The following EML6 variants were observed in gnomAD, a reference collection of about 807,000 sequenced individuals.
EML6 encodes EMAP like 6, also known as echinoderm microtubule-associated protein-like 6.
Under a neutral mutation model 240.1 loss-of-function variants are expected in EML6, and 154 were observed. The observed-to-expected ratio is 0.64, with a 90% CI of 0.56 to 0.73. The LOEUF (loss-of-function observed/expected upper bound fraction) is 0.73. Among genes scored for constraint, EML6 ranks in the 30% least tolerant of loss-of-function variants. The pLI, the probability that EML6 is intolerant of heterozygous loss-of-function variation, is 0.00. For synonymous variants in EML6, 1,148 were observed against 899.0 expected (o/e 1.28, Z -4.95); for missense variants, 2,964 against 2,474.6 (o/e 1.20, Z -4.20).
chr2:54,859,724 A>G, intron 12 of EML6, 23 bp downstream of exon 12: 1 of 1,514,244 alleles, frequency 6.6e-7, no homozygotes, highest in Non-Finnish European at 8.8e-7. Context: ...ATAATTTCTT[A>G]ACATCATTTT....
At chr2:54,855,205 G>A (rs1670307400) in intron 11 of EML6, among the ~76,000 whole-genome samples, 1 of 152,172 alleles carries the variant, frequency 6.6e-6, no homozygotes, top group Admixed American at 6.5e-5. Context: ...GGCTACACAG[G>A]AAGTATGATG....
chr2:54,843,822 G>T (rs1210105569), intron 7 of EML6, among the ~76,000 whole-genome samples: 2 of 143,734 alleles, frequency 1.4e-5, no homozygotes. Context: ...TATAGTCTGG[G>T]TGACAGAGCA....
At chr2:54,826,701 G>A (rs561124095) in intron 5 of EML6, among the ~76,000 whole-genome samples, 1 of 152,270 alleles carries the variant, frequency 6.6e-6, no homozygotes, top group African/African-American at 2.4e-5. Context: ...GAAGCTTTGT[G>A]TATGGTCTTC....
In EML6 at chr2:54,883,131, C is replaced by T. The variant is rs543481604; in HGVS notation, c.2438+3491C>T. The stretch of plus-strand genomic sequence containing the variant: ...ATAGAAAAATTAGCAGGGAAAAGCA[C>T]TTAATAAAAGGAAAATCATCTATAA... On this transcript the variant is annotated intron_variant, in intron 17 of 41. Transcript: ENST00000356458. 2.0e-5 allele frequency among the ~76,000 whole-genome samples: 3 copies of T among 152,054 alleles called. No individual in the cohort carries two copies. The East Asian group carries it at 5.8e-4, about 29-fold the overall frequency.
At position 54,862,071 on chromosome 2, in the gene EML6, C is replaced by A. The variant is rs148781914; in HGVS notation, c.1826-1712C>A. Among the ~76,000 whole-genome samples the A allele has an allele frequency of 5.1e-3, 777 of 152,150 alleles. 8 individuals carry two copies. Among genetic ancestry groups the A allele is most frequent in the Non-Finnish European group, 7.3e-3 (497 of 67,998 alleles). The stretch of plus-strand genomic sequence containing the variant: ...TGAGGATTGGCTGAGCACGTTGACT[C>A]ATGACTGTAATCCCAGCACTTTGGG... On this transcript the variant is annotated intron_variant, in intron 12 of 41. Transcript: ENST00000356458.
At chr2:54,896,729 G>C (rs1024373596) in intron 21 of EML6, among the ~76,000 whole-genome samples, 5 of 152,096 alleles carry the variant, frequency 3.3e-5, no homozygotes, top group South Asian at 2.1e-4. Flanking sequence ...GCTGTATTAC[G>C]AGTGAATCCC....
Position 54,725,308 on chromosome 2 carries a change from G to T in EML6, c.197+50G>T. 7.5e-7 allele frequency: 1 copy of T among 1,337,812 alleles called. No individual in the cohort carries two copies. The highest frequency in any genetic ancestry group is 9.8e-7 in the Non-Finnish European group (1 of 1,017,440). The allele number at this position is 1,337,812 out of a possible 1,614,324, so 82.9% of individuals were successfully genotyped here. On this transcript the variant is annotated intron_variant, in intron 2 of 41. Transcript: ENST00000356458. The surrounding 1 kb of genome is among the most constrained non-coding windows in gnomAD (Gnocchi z 4.3). ...GGGAGGGGTTGCGTGTGGAGGCTGGGAAGGTGGGAAGCGGTTGACCTGGGG... is the reference window on the plus strand; with the variant it reads ...GGGAGGGGTTGCGTGTGGAGGCTGGTAAGGTGGGAAGCGGTTGACCTGGGG...
intron 28 of EML6, among the ~76,000 whole-genome samples, chr2:54,938,368 C>T (rs1476066897): frequency 2.0e-5 from 3 of 152,170 alleles, no homozygotes; most frequent in Non-Finnish European, 4.4e-5. Flanking sequence ...GATACAGTTA[C>T]ATAAGGCAGG....
intron 2 of EML6, among the ~76,000 whole-genome samples, chr2:54,808,441 T>A (rs1397992298): frequency 6.6e-6 from 1 of 151,930 alleles, no homozygotes; most frequent in Non-Finnish European, 1.5e-5. Flanking sequence ...GCCTCTGACA[T>A]GGAAAAGCTG....
At chr2:54,871,388 C>T (rs1482601921) in intron 15 of EML6, 112 bp from the exon 16 acceptor site, 4 of 770,774 alleles carry the variant, frequency 5.2e-6, no homozygotes, top group Non-Finnish European at 4.4e-6. Flanking sequence ...TAGGGTCCTT[C>T]TATTCTCCAA....
intron 2 of EML6, among the ~76,000 whole-genome samples, chr2:54,787,944 G>C (rs535788792): frequency 6.6e-6 from 1 of 152,140 alleles, no homozygotes; most frequent in Non-Finnish European, 1.5e-5. Context: ...TCACCTGTGC[G>C]GTGGTTTCTG....
chr2:54,932,289 C>G (rs972733102), intron 28 of EML6, among the ~76,000 whole-genome samples: 6 of 152,200 alleles, frequency 3.9e-5, no homozygotes, highest in African/African-American at 9.7e-5. Context: ...TGGCTGGTCC[C>G]CAACCTTGGG....
chr2:54,919,201 C>T (rs1674088394), intron 26 of EML6, among the ~76,000 whole-genome samples: 1 of 151,934 alleles, frequency 6.6e-6, no homozygotes, highest in Non-Finnish European at 1.5e-5. Flanking sequence ...CATGTGAAGC[C>T]ACCTGATTGA....
rs118003201 is a variant in EML6 at position 54,847,830 on chromosome 2, C to G, written c.1187+207C>G. 6.6e-4 allele frequency among the ~76,000 whole-genome samples: 100 copies of G among 152,286 alleles called. 2 individuals are homozygous for G. In the East Asian group the frequency reaches 0.019, roughly 28 times the overall value. ...TTATTTGATAATTTGGCAGCACAGTCTAACCCAACAGACTGATGTGAGGCT... is the reference window on the plus strand; with the variant it reads ...TTATTTGATAATTTGGCAGCACAGTGTAACCCAACAGACTGATGTGAGGCT... On this transcript the variant is annotated intron_variant, in intron 9 of 41. Coordinates refer to ENST00000356458, the MANE Select transcript of EML6 (RefSeq NM_001039753.4).
Position 54,916,920 on chromosome 2 carries a change from T to G in EML6, c.3660T>G (p.Phe1220Leu). The G allele has an allele frequency of 1.3e-6, 2 of 1,544,202 alleles. No individual in the cohort carries two copies. Among genetic ancestry groups the G allele is most frequent in the Non-Finnish European group, 8.8e-7 (1 of 1,140,558 alleles). Residue 1220 changes from phenylalanine to leucine, a missense_variant, in exon 26 of 42, where the codon TTT becomes TTG. Coordinates refer to ENST00000356458, the MANE Select transcript of EML6 (RefSeq NM_001039753.4). ...TGDDFGFVKL[F>L]SYPVKGQHAR... The stretch of plus-strand genomic sequence containing the variant: ...ATGATTTTGGTTTCGTTAAGCTTTT[T>G]TCATATCCTGTCAAGGTAATATTGC...
chr2:54,884,999 A>G (rs1050759015), intron 17 of EML6, among the ~76,000 whole-genome samples: 6 of 152,062 alleles, frequency 3.9e-5, no homozygotes, highest in Non-Finnish European at 4.4e-5. Context: ...CGTCTCTACT[A>G]AAAATACAAA....
intron 2 of EML6, among the ~76,000 whole-genome samples, chr2:54,727,757 G>A (rs1044045962): frequency 5.3e-5 from 8 of 152,206 alleles, no homozygotes; most frequent in African/African-American, 1.9e-4. Context: ...CATAGCTTTT[G>A]CATTAGTTTG....
chr2:54,815,396 G>A (rs17046384), intron 3 of EML6, among the ~76,000 whole-genome samples: 2,836 of 152,208 alleles, frequency 0.019, 86 homozygotes, highest in African/African-American at 0.065. Flanking sequence ...AATGACAAAT[G>A]GTCCATCACC....
chr2:54,842,011 C>A (rs951731823), intron 7 of EML6, among the ~76,000 whole-genome samples: 5 of 152,166 alleles, frequency 3.3e-5, no homozygotes, highest in African/African-American at 9.7e-5. Flanking sequence ...TAGCTTCCCT[C>A]ACTATCAATG....
Sources: gnomAD v4.1 joint callset for allele counts (sites outside exome capture counted in the v4.1 genomes callset) on GRCh38, gnomAD v4.1.1 for gene constraint, Gnocchi (gnomAD v3.1) non-coding constraint, MANE v1.5 for transcripts, NCBI Gene and HGNC (gene_info 2026-07-23, HGNC 2026-07-21) for gene names.